The following ERC1 variants were observed in gnomAD, a reference collection of about 807,000 sequenced individuals.
The protein encoded by ERC1 is ELKS/RAB6-interacting/CAST family member 1.
In ERC1, 56 loss-of-function variants were observed where a neutral mutation model predicts 132.0. That is an observed-to-expected ratio of 0.42 (90% CI 0.34 to 0.53). The LOEUF (loss-of-function observed/expected upper bound fraction) is 0.53. Ranked by LOEUF, ERC1 falls within the 20% of genes least tolerant of loss-of-function variation. The pLI is 0.03. For synonymous variants in ERC1, 478 were observed against 476.1 expected (o/e 1.00, Z -0.05); for missense variants, 1,202 against 1,349.9 (o/e 0.89, Z 1.72).
chr12:1,299,794 C>T (rs766280948), intron 15 of ERC1, among the ~76,000 whole-genome samples: 3 of 151,908 alleles, frequency 2.0e-5, no homozygotes, highest in South Asian at 2.1e-4. Flanking sequence ...ATACCTGGAA[C>T]GAGAGAGGGG....
chr12:1,398,305 C>A (rs1190617696), intron 16 of ERC1, among the ~76,000 whole-genome samples: 2 of 151,946 alleles, frequency 1.3e-5, no homozygotes, highest in Non-Finnish European at 1.5e-5. Context: ...TAGAGTTCAT[C>A]CTGAAGGCAT....
At chr12:1,305,069 T>C (rs557405205) in intron 15 of ERC1, among the ~76,000 whole-genome samples, 11 of 152,236 alleles carry the variant, frequency 7.2e-5, no homozygotes, top group South Asian at 4.1e-4. Context: ...CGTGAGCCAC[T>C]GCTCCCGGCC....
At chr12:1,176,882 T>C (rs765647227) in intron 8 of ERC1, among the ~76,000 whole-genome samples, 1 of 152,238 alleles carries the variant, frequency 6.6e-6, no homozygotes, top group Non-Finnish European at 1.5e-5. Flanking sequence ...AAACTGCCAT[T>C]ACTTTTGCAC....
At chr12:1,092,937 CAG>C (rs1370389413) in intron 3 of ERC1, among the ~76,000 whole-genome samples, 1 of 152,088 alleles carries the variant, frequency 6.6e-6, no homozygotes, top group African/African-American at 2.4e-5. Flanking sequence ...CTCCAGCGTG[CAG>C]AGTGACACTC....
intron 4 of ERC1, among the ~76,000 whole-genome samples, chr12:1,107,207 TTTTG>T (rs953788823): frequency 2.9e-4 from 44 of 152,292 alleles, no homozygotes; most frequent in Middle Eastern, 3.4e-3. Context: ...TCTACTATTT[TTTTG>T]TTTGTTTGTT....
chr12:1,448,226 T>C (rs541108129), intron 18 of ERC1, among the ~76,000 whole-genome samples: 1 of 152,314 alleles, frequency 6.6e-6, no homozygotes, highest in South Asian at 2.1e-4. Context: ...TTCCCTTTAA[T>C]TGAGAATGTA....
At chr12:1,267,060 C>T (rs989011736) in intron 14 of ERC1, among the ~76,000 whole-genome samples, 8 of 152,228 alleles carry the variant, frequency 5.3e-5, no homozygotes, top group Non-Finnish European at 7.3e-5. Context: ...TTTATTCTCA[C>T]GGGATCCCCT....
At chr12:1,233,827 A>G (rs929090494) in intron 12 of ERC1, among the ~76,000 whole-genome samples, 1 of 152,184 alleles carries the variant, frequency 6.6e-6, no homozygotes, top group Non-Finnish European at 1.5e-5. Flanking sequence ...GGATCTGACA[A>G]TAAGCACAAT....
intron 17 of ERC1, among the ~76,000 whole-genome samples, chr12:1,415,727 G>A (rs1406414721): frequency 6.6e-6 from 1 of 152,142 alleles, no homozygotes; most frequent in Admixed American, 6.5e-5. Flanking sequence ...GCCAATATCA[G>A]GACTGACTTT....
chr12:1,031,061 A>G (rs1425370742), intron 2 of ERC1, among the ~76,000 whole-genome samples: 2 of 152,182 alleles, frequency 1.3e-5, no homozygotes, highest in Non-Finnish European at 2.9e-5. Context: ...TCTTACTATT[A>G]TGCAGTCCAG....
chr12:1,271,258 C>G (rs2077833025), intron 14 of ERC1, among the ~76,000 whole-genome samples: 1 of 152,146 alleles, frequency 6.6e-6, no homozygotes, highest in South Asian at 2.1e-4. Flanking sequence ...TTGGGCAGAT[C>G]AGGCAATAGC....
At chr12:1,156,501 T>C (rs1381408715) in intron 8 of ERC1, among the ~76,000 whole-genome samples, 1 of 152,150 alleles carries the variant, frequency 6.6e-6, no homozygotes, top group Non-Finnish European at 1.5e-5. Context: ...CCTCCCAAAG[T>C]GCAGGGATTA....
chr12:1,248,084 T>C (rs1824986472), intron 13 of ERC1, among the ~76,000 whole-genome samples: 1 of 152,236 alleles, frequency 6.6e-6, no homozygotes, highest in South Asian at 2.1e-4. Context: ...TGATGTAATA[T>C]GGCTATTATC....
intron 8 of ERC1, among the ~76,000 whole-genome samples, chr12:1,175,719 G>A (rs979944218): frequency 6.6e-6 from 1 of 151,996 alleles, no homozygotes; most frequent in Non-Finnish European, 1.5e-5. Flanking sequence ...ATTTTCAGTA[G>A]AGACAGCGTT....
intron 18 of ERC1, among the ~76,000 whole-genome samples, chr12:1,466,270 C>T (rs1219817234): frequency 6.6e-6 from 1 of 152,124 alleles, no homozygotes; most frequent in Non-Finnish European, 1.5e-5. Flanking sequence ...CGTGGTCTAT[C>T]CTCTCTCCCT....
chr12:1,188,801 T>C (rs1955401975), intron 11 of ERC1, among the ~76,000 whole-genome samples: 1 of 152,154 alleles, frequency 6.6e-6, no homozygotes, highest in African/African-American at 2.4e-5. Context: ...TCCTTTAATA[T>C]TTTTTCAAAC....
At chr12:1,487,433 G>A (rs2094240867) in intron 18 of ERC1, among the ~76,000 whole-genome samples, 1 of 134,134 alleles carries the variant, frequency 7.5e-6, no homozygotes, top group African/African-American at 2.8e-5. Flanking sequence ...AGCTGGGTGT[G>A]GTGGCTCACA....
chr12:1,033,410 A>G (rs1175946523), intron 2 of ERC1, among the ~76,000 whole-genome samples: 2 of 151,732 alleles, frequency 1.3e-5, no homozygotes, highest in Admixed American at 1.3e-4. Flanking sequence ...ACCTCAGGTA[A>G]TCCACCTGCC....
intron 12 of ERC1, among the ~76,000 whole-genome samples, chr12:1,205,948 G>A (rs61914328): frequency 0.2 from 30,056 of 151,926 alleles, 3,517 homozygotes; most frequent in Non-Finnish European, 0.27. Context: ...GAATTTGACC[G>A]TGAAGCCATT....
Sources: gnomAD v4.1 joint callset for allele counts (sites outside exome capture counted in the v4.1 genomes callset) on GRCh38, gnomAD v4.1.1 for gene constraint, MANE v1.5 for transcripts, NCBI Gene and HGNC (gene_info 2026-07-23, HGNC 2026-07-21) for gene names.